The following BRWD3 variants were observed in gnomAD, a reference collection of about 807,000 sequenced individuals.
BRWD3 encodes bromodomain and WD repeat domain containing 3.
A neutral mutation model predicts 149.7 loss-of-function variants in BRWD3; 10 were observed. The observed-to-expected ratio is 0.07, with a 90% CI of 0.04 to 0.11. BRWD3 has a LOEUF of 0.11. Among genes scored for constraint, BRWD3 ranks in the 10% least tolerant of loss-of-function variants. The pLI, the probability that BRWD3 is intolerant of heterozygous loss-of-function variation, is 1.00. For synonymous variants in BRWD3, 504 were observed against 456.7 expected (o/e 1.10, Z -1.32); for missense variants, 940 against 1,373.2 (o/e 0.68, Z 4.99).
chrX:80,712,802 C>T (rs2073002452), intron 20 of BRWD3, among the ~76,000 whole-genome samples: 1 of 109,024 alleles, frequency 9.2e-6, no homozygotes, highest in African/African-American at 3.4e-5. Context: ...CCGGCCGCGA[C>T]CCCGTCTGGG....
chrX:80,789,222 A>T (rs2074148852), intron 6 of BRWD3, among the ~76,000 whole-genome samples: 1 of 112,083 alleles, frequency 8.9e-6, no homozygotes. Flanking sequence ...AACTTAGGCC[A>T]ATCAAATAAC....
At chrX:80,685,356 G>A in intron 36 of BRWD3, 106 bp downstream of exon 36, 1 of 688,764 alleles carries the variant, frequency 1.5e-6, no homozygotes, top group South Asian at 2.5e-5. Flanking sequence ...AAAAAGGGGA[G>A]CAGAGTTAGA....
chrX:80,681,911 C>T, intron 39 of BRWD3, 86 bp downstream of exon 39: 1 of 789,643 alleles, frequency 1.3e-6, no homozygotes, highest in Middle Eastern at 2.8e-4. Flanking sequence ...TTGTTCTTTG[C>T]ACTATAAACC....
chrX:80,708,357 C>T (rs747735762), intron 21 of BRWD3, among the ~76,000 whole-genome samples: 1 of 107,546 alleles, frequency 9.3e-6, no homozygotes, highest in African/African-American at 3.4e-5. Context: ...GATTGAGCCA[C>T]TGTACTCCAG....
rs1435849329 is a variant in BRWD3, at chrX:80,764,556, G to A, written c.431-18827C>T. Among the ~76,000 whole-genome samples the A allele has an allele frequency of 1.5e-4, 16 of 108,505 alleles. No individual in the cohort carries two copies. In the Admixed American group the frequency reaches 1.6e-3, roughly 11 times the overall value. 94.2% of individuals were successfully genotyped at this position (108,505 alleles called of 115,157 possible). A position where few individuals can be genotyped will look rare whatever the true frequency, so the allele number is the denominator to read the frequency against. On this transcript the variant is annotated intron_variant, in intron 6 of 40. Coordinates refer to ENST00000373275, the MANE Select transcript of BRWD3 (RefSeq NM_153252.5). Reference sequence around the variant, plus strand: ...TCTCGATCTCCTGACCTCGTGATCTGCCTGCCTCGGCCTCCCAAAGTGCTG... The same window carrying A: ...TCTCGATCTCCTGACCTCGTGATCTACCTGCCTCGGCCTCCCAAAGTGCTG...
rs1437353992 is a variant in BRWD3, at chrX:80,673,514, C to G, written c.*3095G>C. On this transcript the variant is annotated 3_prime_UTR_variant, in exon 41 of 41. Transcript: ENST00000373275. ...TTGGGGAAAAAACTTTACACACATA[C>G]AAGTGCACAAACACACATATACAAA... is the stretch of plus-strand genomic sequence containing the variant. 3.6e-5 allele frequency: 4 copies of G among 111,143 alleles called. No individual in the cohort carries two copies. The highest frequency in any genetic ancestry group is 1.3e-4 in the African/African-American group (4 of 30,594). 9.2% of individuals were successfully genotyped at this position (111,143 alleles called of 1,213,427 possible). A position where few individuals can be genotyped will look rare whatever the true frequency, so the allele number is the denominator to read the frequency against.
At position 80,674,530 on chromosome X, in the gene BRWD3, A is replaced by G. The variant is rs1363845811; in HGVS notation, c.*2079T>C. ...CCAAAGTATTATTGATTTCAGGAAT[A>G]CAGGCACAATTTAGTCTAAATGCCC... is the stretch of plus-strand genomic sequence containing the variant. On this transcript the variant is annotated 3_prime_UTR_variant, in exon 41 of 41. Coordinates refer to ENST00000373275, the MANE Select transcript of BRWD3 (RefSeq NM_153252.5). 8.9e-6 allele frequency: 1 copy of G among 111,772 alleles called. No individual in the cohort carries two copies. The highest frequency in any genetic ancestry group is 1.9e-5 in the Non-Finnish European group (1 of 53,071). 9.2% of individuals were successfully genotyped at this position (111,772 alleles called of 1,213,427 possible).
intron 39 of BRWD3, 21 bp from the exon 40 acceptor site, chrX:80,681,520 A>G (rs750347937): frequency 1.7e-5 from 20 of 1,146,778 alleles, no homozygotes; most frequent in Non-Finnish European, 1.2e-6. Flanking sequence ...AAAAGATTTT[A>G]ATACTAACAT....
Position 80,686,138 on chromosome X carries a change from C to T in BRWD3, c.4006-602G>A, listed in dbSNP as rs772173291. Among the ~76,000 whole-genome samples the T allele has an allele frequency of 3.6e-5, 4 of 109,798 alleles. No individual in the cohort carries two copies. The South Asian group carries it at 1.6e-3, about 43-fold the overall frequency. Reference sequence around the variant, plus strand: ...TTGGGACATGGATGAAGCTGGAAACCATCATTCTCAGCAAACTATCTCAAG... The same window carrying T: ...TTGGGACATGGATGAAGCTGGAAACTATCATTCTCAGCAAACTATCTCAAG... On this transcript the variant is annotated intron_variant, in intron 35 of 40. Coordinates refer to ENST00000373275, the MANE Select transcript of BRWD3 (RefSeq NM_153252.5).
intron 6 of BRWD3, among the ~76,000 whole-genome samples, chrX:80,750,100 T>A (rs1273285690): frequency 9.0e-6 from 1 of 111,216 alleles, no homozygotes; most frequent in East Asian, 2.8e-4. Flanking sequence ...TCAAAATGAA[T>A]CAAAGATTTA....
intron 6 of BRWD3, among the ~76,000 whole-genome samples, chrX:80,752,933 G>T (rs1156560426): frequency 1.8e-5 from 2 of 112,083 alleles, no homozygotes; most frequent in Admixed American, 1.9e-4. Context: ...CCAAAGTGCT[G>T]GGACTATAGG....
intron 6 of BRWD3, among the ~76,000 whole-genome samples, chrX:80,772,305 C>G (rs1293626018): frequency 9.0e-6 from 1 of 111,458 alleles, no homozygotes; most frequent in African/African-American, 3.3e-5. Flanking sequence ...AGTATGAGTT[C>G]ATGTCTTTTG....
chrX:80,704,618 A>T, intron 23 of BRWD3, 60 bp downstream of exon 23: 1 of 1,024,655 alleles, frequency 9.8e-7, no homozygotes, highest in East Asian at 3.1e-5. Context: ...TAAATATTTA[A>T]GTTATCAAAG....
intron 6 of BRWD3, among the ~76,000 whole-genome samples, chrX:80,788,474 C>T (rs1473065451): frequency 9.0e-6 from 1 of 111,520 alleles, no homozygotes; most frequent in South Asian, 3.7e-4. Context: ...AGATACCAAC[C>T]GACAGTATCA....
At chrX:80,735,654 A>C (rs936551260) in intron 9 of BRWD3, among the ~76,000 whole-genome samples, 7 of 109,641 alleles carry the variant, frequency 6.4e-5, no homozygotes, top group African/African-American at 2.3e-4. Context: ...AATACAAAAA[A>C]TTAGCCAGGC....
intron 6 of BRWD3, among the ~76,000 whole-genome samples, chrX:80,772,328 T>C (rs935686286): frequency 5.4e-5 from 6 of 111,271 alleles, no homozygotes; most frequent in African/African-American, 2.0e-4. Flanking sequence ...GGGACATGGA[T>C]ACAGTTGGAA....
intron 24 of BRWD3, among the ~76,000 whole-genome samples, chrX:80,700,838 ATAAG>A (rs1463539586): frequency 7.2e-5 from 8 of 111,402 alleles, no homozygotes; most frequent in African/African-American, 6.5e-5. Flanking sequence ...ATTAGGTATC[ATAAG>A]TAATATAGAG....
intron 6 of BRWD3, among the ~76,000 whole-genome samples, chrX:80,752,858 T>G (rs909003713): frequency 9.9e-5 from 11 of 110,728 alleles, no homozygotes; most frequent in African/African-American, 3.6e-4. Context: ...AGAGACAGGG[T>G]TTTGTCATAT....
At chrX:80,745,792 A>G in intron 6 of BRWD3, 63 bp from the exon 7 acceptor site, 2 of 1,023,927 alleles carry the variant, frequency 2.0e-6, no homozygotes, top group South Asian at 2.0e-5. Context: ...AAATTAAGTC[A>G]TAAATATTAA....
Sources: allele counts gnomAD v4.1 joint callset (sites outside exome capture counted in the v4.1 genomes callset), GRCh38; gene constraint gnomAD v4.1.1; transcripts MANE v1.5; gene names NCBI Gene and HGNC (gene_info 2026-07-23, HGNC 2026-07-21).